Variants in TRPC6 observed in about 807,000 individuals in gnomAD.
The protein encoded by TRPC6 is short transient receptor potential channel 6.
In TRPC6, 55 loss-of-function variants were observed where a neutral mutation model predicts 90.7. The ratio of observed to expected loss-of-function variants is 0.61; its 90% CI spans 0.49 to 0.76. TRPC6 has a LOEUF of 0.76. TRPC6 is among the 30% of genes least tolerant of loss of function. The probability of loss-of-function intolerance (pLI) is 0.00; values close to 1 mark genes in which losing one functional copy is unlikely to be tolerated. For synonymous variants in TRPC6, 393 were observed against 393.0 expected, an observed-to-expected ratio of 1.00 and a Z score of 0.00; for missense variants, 989 against 1,122.7, an observed-to-expected ratio of 0.88 and a Z score of 1.70.
At chr11:101,493,897 A>G (rs543952187) in intron 2 of TRPC6, among the ~76,000 whole-genome samples, 1 of 152,288 alleles carries the variant, frequency 6.6e-6, no homozygotes, top group South Asian at 2.1e-4. Flanking sequence ...CCTTTCTGTA[A>G]ATTATGCCAA....
chr11:101,548,885 A>AT (rs1861389082), intron 1 of TRPC6, among the ~76,000 whole-genome samples: 1 of 152,032 alleles, frequency 6.6e-6, no homozygotes, highest in Non-Finnish European at 1.5e-5. Flanking sequence ...TTTGTCAAAA[A>AT]ATATATACGG....
At position 101,558,252 on chromosome 11, in the gene TRPC6, TGTATAC is replaced by T. The variant is rs1170384381; in HGVS notation, c.170+25076_170+25081del. Among the ~76,000 whole-genome samples, 6 of 138,698 alleles carry T rather than the reference TGTATAC, an allele frequency of 4.3e-5. No individual in the cohort carries two copies. The South Asian group carries it at 7.9e-4, about 18-fold the overall frequency. 91.0% of individuals were successfully genotyped at this position (138,698 alleles called of 152,430 possible). ...ATGTATATGGGTATACATGTATATA[TGTATAC>T]ATGTATATGGGTATACATGTATATA... On this transcript the variant is annotated intron_variant, in intron 1 of 12. Coordinates refer to ENST00000344327, the MANE Select transcript of TRPC6 (RefSeq NM_004621.6).
At chr11:101,485,308 ACT>A (rs536441845) in intron 4 of TRPC6, among the ~76,000 whole-genome samples, 51 of 152,054 alleles carry the variant, frequency 3.4e-4, no homozygotes, top group African/African-American at 1.2e-3. Context: ...TTAAAATCAA[ACT>A]CTCAATCAAA....
At chr11:101,545,747 G>A (rs1022320270) in intron 1 of TRPC6, among the ~76,000 whole-genome samples, 2 of 152,158 alleles carry the variant, frequency 1.3e-5, no homozygotes, top group African/African-American at 4.8e-5. Context: ...TTAGGTAGAT[G>A]ATGGAGAGGG....
intron 5 of TRPC6, among the ~76,000 whole-genome samples, chr11:101,477,750 A>G (rs1029791856): frequency 5.3e-5 from 8 of 152,246 alleles, no homozygotes; most frequent in Non-Finnish European, 1.2e-4. Flanking sequence ...TGAGGCTTAA[A>G]TAAAATAGTT....
intron 1 of TRPC6, among the ~76,000 whole-genome samples, chr11:101,574,278 T>G (rs1282088015): frequency 6.6e-6 from 1 of 150,896 alleles, no homozygotes; most frequent in African/African-American, 2.5e-5. Flanking sequence ...CATAACAAAT[T>G]TGTTTATTTT....
intron 7 of TRPC6, 106 bp from the exon 8 acceptor site, chr11:101,472,438 T>A: frequency 9.0e-7 from 1 of 1,114,372 alleles, no homozygotes; most frequent in Non-Finnish European, 1.3e-6. Flanking sequence ...TTAGTGAGTA[T>A]AAAAAAAATT....
chr11:101,455,196 A>G (rs1193753249), intron 10 of TRPC6, 95 bp from the exon 11 acceptor site: 2 of 969,346 alleles, frequency 2.1e-6, no homozygotes, highest in African/African-American at 3.3e-5. Flanking sequence ...ATAGTCTTAC[A>G]TACACAAATT....
chr11:101,485,404 TA>T (rs1859655495), intron 4 of TRPC6, among the ~76,000 whole-genome samples: 1 of 152,124 alleles, frequency 6.6e-6, no homozygotes, highest in Non-Finnish European at 1.5e-5. Flanking sequence ...TCTTTTTAAA[TA>T]TAAATAGTTA....
chr11:101,571,013 T>C (rs1861951730), intron 1 of TRPC6, among the ~76,000 whole-genome samples: 1 of 152,198 alleles, frequency 6.6e-6, no homozygotes, highest in African/African-American at 2.4e-5. Context: ...TTGGAAGTTC[T>C]GGCCAGGGGA....
rs1432491279 is a variant in TRPC6 at position 101,451,805 on chromosome 11, A to G, written c.*1150T>C. The G allele has an allele frequency of 6.6e-6, 1 of 152,220 alleles. No individual in the cohort carries two copies. The allele number at this position is 152,220 out of a possible 1,614,324, so 9.4% of individuals were successfully genotyped here. On this transcript the variant is annotated 3_prime_UTR_variant, in exon 13 of 13. Coordinates refer to ENST00000344327, the MANE Select transcript of TRPC6 (RefSeq NM_004621.6). ...TTATTGAATTGGAAGTAGCAGTTCCAGTTAATGTCCAGCATCCTCTGAATG... is the reference window on the plus strand; with the variant it reads ...TTATTGAATTGGAAGTAGCAGTTCCGGTTAATGTCCAGCATCCTCTGAATG...
At chr11:101,507,995 A>G (rs1860313053) in intron 1 of TRPC6, among the ~76,000 whole-genome samples, 1 of 151,838 alleles carries the variant, frequency 6.6e-6, no homozygotes, top group African/African-American at 2.4e-5. Context: ...TATTTATTAT[A>G]TTCTGGGAAA....
At position 101,471,176 on chromosome 11, in the gene TRPC6, A is replaced by C; in HGVS notation, c.2409+7T>G. 6.2e-7 allele frequency: 1 copy of C among 1,613,550 alleles called. No homozygotes were observed. The highest frequency in any genetic ancestry group is 8.5e-7 in the Non-Finnish European group (1 of 1,179,628). ...GAATACAATGATAACTTATCAAGCT[A>C]AGTTACCTTGTTCATCTCTGCATCT... On this transcript the variant is annotated splice_region_variant and intron_variant, in intron 9 of 12. Transcript: ENST00000344327.
Position 101,504,213 on chromosome 11 carries a change from G to A in TRPC6, c.756C>T (p.Phe252=), listed in dbSNP as rs1389633670. The change falls in exon 2 of 13, where the codon TTC becomes TTT. Residue 252 remains phenylalanine, a synonymous_variant. Transcript: ENST00000344327. ...GARIERPHDY[F]CKCNDCNQKQ... ...TCTGGTTGCAGTCATTGCACTTGCAGAAATAATCATGAGGCCGTTCAATCC... is the reference window on the plus strand; with the variant it reads ...TCTGGTTGCAGTCATTGCACTTGCAAAAATAATCATGAGGCCGTTCAATCC... 1 of 1,614,022 alleles carries A rather than the reference G, an allele frequency of 6.2e-7. No homozygotes were observed. Among genetic ancestry groups the A allele is most frequent in the East Asian group, 2.2e-5 (1 of 44,896 alleles).
chr11:101,559,081 C>G (rs144317414), intron 1 of TRPC6, among the ~76,000 whole-genome samples: 326 of 152,154 alleles, frequency 2.1e-3, no homozygotes, highest in African/African-American at 7.3e-3. Context: ...CAGAGACAAT[C>G]TATGAATTGG....
chr11:101,580,535 A>T (rs1442359033), intron 1 of TRPC6, among the ~76,000 whole-genome samples: 3 of 152,168 alleles, frequency 2.0e-5, no homozygotes, highest in Non-Finnish European at 4.4e-5. Flanking sequence ...ATAATTTACC[A>T]TAATTTTCAG....
intron 1 of TRPC6, among the ~76,000 whole-genome samples, chr11:101,579,822 T>C (rs1034201343): frequency 5.9e-5 from 9 of 152,196 alleles, no homozygotes; most frequent in African/African-American, 2.2e-4. Context: ...TCCAGCTCTC[T>C]GCCTCATCTG....
intron 5 of TRPC6, among the ~76,000 whole-genome samples, chr11:101,477,003 G>A (rs555010523): frequency 3.3e-5 from 5 of 152,140 alleles, no homozygotes; most frequent in African/African-American, 9.6e-5. Flanking sequence ...TTGATCACAG[G>A]CCTCACCTAC....
At chr11:101,480,173 C>T (rs759248682) in intron 5 of TRPC6, among the ~76,000 whole-genome samples, 1 of 151,844 alleles carries the variant, frequency 6.6e-6, no homozygotes, top group Non-Finnish European at 1.5e-5. Context: ...TGTGAAACTC[C>T]GTCTCAAAAT....
Sources: gnomAD v4.1 joint callset for allele counts (sites outside exome capture counted in the v4.1 genomes callset) on GRCh38, gnomAD v4.1.1 for gene constraint, MANE v1.5 for transcripts, NCBI Gene and HGNC (gene_info 2026-07-23, HGNC 2026-07-21) for gene names.